Variants in NDFIP2 observed in about 807,000 individuals in gnomAD.
The protein encoded by NDFIP2 is Nedd4 family interacting protein 2, also known as NEDD4 family-interacting protein 2.
In NDFIP2, 19 loss-of-function variants were observed where a neutral mutation model predicts 36.0. That is an observed-to-expected ratio of 0.53 (90% confidence interval 0.37 to 0.77). The LOEUF (loss-of-function observed/expected upper bound fraction) is 0.77, where lower values mean the gene tolerates loss of function less well. Among genes scored for constraint, NDFIP2 ranks in the 30% least tolerant of loss-of-function variants. The probability of loss-of-function intolerance (pLI) is 0.00; values close to 1 mark genes in which losing one functional copy is unlikely to be tolerated. For missense variants in NDFIP2, 446 were observed against 435.8 expected, an observed-to-expected ratio of 1.02 and a Z score of -0.21; for synonymous variants, 181 against 167.7, an observed-to-expected ratio of 1.08 and a Z score of -0.61.
intron 1 of NDFIP2, among the ~76,000 whole-genome samples, chr13:79,483,331 C>T (rs920531889): frequency 6.6e-6 from 1 of 152,010 alleles, no homozygotes; most frequent in African/African-American, 2.4e-5. Context: ...AGTCATTTAA[C>T]CTATCTAGTA....
chr13:79,541,195 G>A (rs1875441545), intron 4 of NDFIP2, among the ~76,000 whole-genome samples: 1 of 151,798 alleles, frequency 6.6e-6, no homozygotes. Flanking sequence ...TGGTTCTGGG[G>A]AATAAAAACA....
rs1186159526 is a variant in NDFIP2, at chr13:79,555,918, A to G, written c.*3405A>G. On this transcript the variant is annotated 3_prime_UTR_variant, in exon 8 of 8. Transcript: ENST00000218652. ...ATATTATCATGACTGTGACCTCACT[A>G]AACTGTTTATGTGACAAACCTTTCA... 6.6e-6 allele frequency: 1 copy of G among 152,186 alleles called. No homozygotes were observed. The highest frequency in any genetic ancestry group is 1.5e-5 in the Non-Finnish European group (1 of 68,018). The allele number at this position is 152,186 out of a possible 1,614,324, so 9.4% of individuals were successfully genotyped here. A position where few individuals can be genotyped will look rare whatever the true frequency, so the allele number is the denominator to read the frequency against.
At position 79,508,539 on chromosome 13, in the gene NDFIP2, G is replaced by A. The variant is rs11840078; in HGVS notation, c.322-12271G>A. 3.0e-3 allele frequency among the ~76,000 whole-genome samples: 460 copies of A among 152,284 alleles called. 1 individual carries two copies. The highest frequency in any genetic ancestry group is 0.01 in the African/African-American group (429 of 41,548). ...AGACCACATAGGGTAACTTCCTGAC[G>A]TTGCCATGGCATTTGTAAACTGTCA... is the stretch of plus-strand genomic sequence containing the variant. On this transcript the variant is annotated intron_variant, in intron 1 of 7. Coordinates refer to ENST00000218652, the MANE Select transcript of NDFIP2 (RefSeq NM_019080.3).
intron 6 of NDFIP2, among the ~76,000 whole-genome samples, chr13:79,549,530 G>A (rs901166111): frequency 6.6e-6 from 1 of 151,724 alleles, no homozygotes; most frequent in Non-Finnish European, 1.5e-5. Flanking sequence ...ATTTATTTAG[G>A]GGAATGTGAA....
chr13:79,542,531 C>G (rs751613682), intron 4 of NDFIP2, among the ~76,000 whole-genome samples: 1 of 148,438 alleles, frequency 6.7e-6, no homozygotes, highest in South Asian at 2.1e-4. Context: ...TTCAGACATT[C>G]TAATAGTTTG....
At chr13:79,492,360 T>C (rs144723704) in intron 1 of NDFIP2, among the ~76,000 whole-genome samples, 1 of 152,202 alleles carries the variant, frequency 6.6e-6, no homozygotes, top group East Asian at 1.9e-4. Flanking sequence ...AGATGACTTT[T>C]TGTGTGATTT....
intron 3 of NDFIP2, among the ~76,000 whole-genome samples, chr13:79,537,587 A>G (rs1421544165): frequency 6.6e-6 from 1 of 152,226 alleles, no homozygotes; most frequent in East Asian, 1.9e-4. Flanking sequence ...GAGTTTACCT[A>G]TGATATATGA....
rs187908808 is a variant in NDFIP2, at chr13:79,520,681, T to C, written c.322-129T>C. 2.5e-5 allele frequency: 19 copies of C among 763,500 alleles called. No homozygotes were observed. In the East Asian group the frequency reaches 2.9e-4, roughly 11 times the overall value. 47.3% of individuals were successfully genotyped at this position (763,500 alleles called of 1,614,324 possible). On this transcript the variant is annotated intron_variant, in intron 1 of 7. Coordinates refer to ENST00000218652, the MANE Select transcript of NDFIP2 (RefSeq NM_019080.3). Reference sequence around the variant, plus strand: ...GAAATACTAGTGTGATTTTGTATACTATCTAAAAATGCCATTTTCTTTGTG... The same window carrying C: ...GAAATACTAGTGTGATTTTGTATACCATCTAAAAATGCCATTTTCTTTGTG...
In NDFIP2 at chr13:79,555,793, A is replaced by G. The variant is rs1232044907; in HGVS notation, c.*3280A>G. The G allele has an allele frequency of 6.6e-6, 1 of 152,168 alleles. No homozygotes were observed. The highest frequency in any genetic ancestry group is 2.4e-5 in the African/African-American group (1 of 41,450). 9.4% of individuals were successfully genotyped at this position (152,168 alleles called of 1,614,324 possible). The stretch of plus-strand genomic sequence containing the variant: ...ATCATAGGAATGTCCTTGCCCATAT[A>G]TAAAACATGCTGGCATGTATTTTAC... On this transcript the variant is annotated 3_prime_UTR_variant, in exon 8 of 8. Transcript: ENST00000218652.
chr13:79,542,264 A>G (rs1314539739), intron 4 of NDFIP2, among the ~76,000 whole-genome samples: 2 of 152,224 alleles, frequency 1.3e-5, no homozygotes, highest in South Asian at 4.1e-4. Context: ...ATGCCATGAT[A>G]ATAAGTAATC....
At chr13:79,486,409 T>G (rs1247432754) in intron 1 of NDFIP2, among the ~76,000 whole-genome samples, 3 of 152,224 alleles carry the variant, frequency 2.0e-5, no homozygotes, top group Non-Finnish European at 4.4e-5. Context: ...TGTTGTGTAT[T>G]TATCAATCCA....
intron 3 of NDFIP2, 51 bp downstream of exon 3, chr13:79,533,507 A>C (rs200618149): frequency 6.7e-7 from 1 of 1,495,710 alleles, no homozygotes; most frequent in South Asian, 1.3e-5. Flanking sequence ...GTTAATTGAT[A>C]TATACATTTA....
At chr13:79,539,317 A>G (rs1875369569) in intron 3 of NDFIP2, among the ~76,000 whole-genome samples, 1 of 152,192 alleles carries the variant, frequency 6.6e-6, no homozygotes. Flanking sequence ...TTATTGCAAA[A>G]TTGCCAACAA....
Position 79,481,170 on chromosome 13 carries a change from C to A in NDFIP2, c.-34C>A. On this transcript the variant is annotated 5_prime_UTR_variant, in exon 1 of 8. Coordinates refer to ENST00000218652, the MANE Select transcript of NDFIP2 (RefSeq NM_019080.3). ...GACTTGCCTTACTTTTCCATCTCCT[C>A]CCACCCAGCTATACCCTCCCACTGG... 1 of 1,457,930 alleles carries A rather than the reference C, an allele frequency of 6.9e-7. No homozygotes were observed. The allele number at this position is 1,457,930 out of a possible 1,614,324, so 90.3% of individuals were successfully genotyped here. A position where few individuals can be genotyped will look rare whatever the true frequency, so the allele number is the denominator to read the frequency against.
intron 2 of NDFIP2, 113 bp downstream of exon 2, chr13:79,521,088 TTATA>T (rs1874561098): frequency 8.4e-6 from 7 of 835,338 alleles, no homozygotes; most frequent in South Asian, 5.9e-5. Context: ...ACATGGATAT[TTATA>T]TATGTATATA....
At chr13:79,505,365 C>A (rs183652876) in intron 1 of NDFIP2, among the ~76,000 whole-genome samples, 59 of 152,248 alleles carry the variant, frequency 3.9e-4, no homozygotes, top group African/African-American at 1.3e-3. Context: ...CGCAGCAGCT[C>A]ATGGTTGTAA....
At chr13:79,521,109 G>A (rs1013506570) in intron 2 of NDFIP2, 134 bp downstream of exon 2, 4 of 697,304 alleles carry the variant, frequency 5.7e-6, no homozygotes, top group East Asian at 2.8e-5. Flanking sequence ...TATACATACT[G>A]TGTGCACATA....
intron 3 of NDFIP2, among the ~76,000 whole-genome samples, 165 bp from the exon 4 acceptor site, chr13:79,539,517 G>C (rs1408049): frequency 0.59 from 89,975 of 151,950 alleles, 27,463 homozygotes; most frequent in African/African-American, 0.72. Context: ...AAAAATATTA[G>C]TTGCTAATGC....
At chr13:79,482,177 T>C (rs373597654) in intron 1 of NDFIP2, among the ~76,000 whole-genome samples, 1,468 of 118,164 alleles carry the variant, frequency 0.012, 31 homozygotes, top group African/African-American at 0.034. Context: ...TTCTTTTTTT[T>C]TTTTTTTTTT....
Sources: gnomAD v4.1 joint callset for allele counts (sites outside exome capture counted in the v4.1 genomes callset) on GRCh38, gnomAD v4.1.1 for gene constraint, MANE v1.5 for transcripts, NCBI Gene and HGNC (gene_info 2026-07-23, HGNC 2026-07-21) for gene names.